FSTL4: variants seen among roughly 807,000 people sequenced by gnomAD.
FSTL4 encodes follistatin-related protein 4.
A neutral mutation model predicts 78.2 loss-of-function variants in FSTL4; 28 were observed. The ratio of observed to expected loss-of-function variants is 0.36; its 90% CI spans 0.27 to 0.49. The LOEUF (loss-of-function observed/expected upper bound fraction) is 0.49, where lower values mean the gene tolerates loss of function less well. FSTL4 is among the 20% of genes least tolerant of loss of function. The pLI, the probability that FSTL4 is intolerant of heterozygous loss-of-function variation, is 0.98. For synonymous variants in FSTL4, 422 were observed against 440.5 expected (o/e 0.96, Z 0.53); for missense variants, 922 against 1,084.9 (o/e 0.85, Z 2.11).
At chr5:133,319,500 C>G (rs1380474630) in intron 4 of FSTL4, among the ~76,000 whole-genome samples, 1 of 152,136 alleles carries the variant, frequency 6.6e-6, no homozygotes, top group East Asian at 1.9e-4. Flanking sequence ...AAGAGCAGGC[C>G]AGGAGCAGGA....
At chr5:133,519,447 G>A (rs1470663199) in intron 3 of FSTL4, among the ~76,000 whole-genome samples, 1 of 152,218 alleles carries the variant, frequency 6.6e-6, no homozygotes, top group African/African-American at 2.4e-5. Context: ...CAGGAAGCAG[G>A]TGCTGGGTTA....
chr5:133,812,192 T>C, the FSTL4 span, among the ~76,000 whole-genome samples: 39,664 of 152,096 alleles, frequency 0.26, 5,457 homozygotes, highest in East Asian at 0.48. Flanking sequence ...CACTGCGTCA[T>C]CCTTGTTCAC....
chr5:133,804,129 C>T, the FSTL4 span, among the ~76,000 whole-genome samples: 1 of 152,212 alleles, frequency 6.6e-6, no homozygotes, highest in African/African-American at 2.4e-5. Context: ...CTCTAAATCC[C>T]TATATTCAAT....
chr5:133,642,108 C>T, the FSTL4 span, among the ~76,000 whole-genome samples: 3 of 152,110 alleles, frequency 2.0e-5, no homozygotes, highest in Non-Finnish European at 4.4e-5. Flanking sequence ...CCTGATTTCA[C>T]CAGTGAAATA....
chr5:133,506,853 T>C (rs1004226577), intron 3 of FSTL4, among the ~76,000 whole-genome samples: 3 of 152,244 alleles, frequency 2.0e-5, no homozygotes, highest in Non-Finnish European at 4.4e-5. Context: ...GCTGGCTGAA[T>C]GAATTAACAA....
chr5:133,458,759 A>G (rs1458584152), intron 3 of FSTL4, among the ~76,000 whole-genome samples: 1 of 152,246 alleles, frequency 6.6e-6, no homozygotes, highest in Non-Finnish European at 1.5e-5. Flanking sequence ...TGGGAGTATT[A>G]TCACCAAACA....
chr5:133,837,812 C>T, the FSTL4 span, among the ~76,000 whole-genome samples: 2,461 of 152,244 alleles, frequency 0.016, 67 homozygotes, highest in African/African-American at 0.055. Context: ...GCTGCATTCA[C>T]GTCAGCAAAT....
intron 3 of FSTL4, among the ~76,000 whole-genome samples, chr5:133,536,200 G>A (rs1171697321): frequency 6.6e-6 from 1 of 152,156 alleles, no homozygotes; most frequent in Admixed American, 6.5e-5. Flanking sequence ...AGAAAATACA[G>A]ATAATAACGA....
intron 2 of FSTL4, among the ~76,000 whole-genome samples, chr5:133,568,146 T>C (rs1047302138): frequency 6.6e-6 from 1 of 152,114 alleles, no homozygotes; most frequent in Non-Finnish European, 1.5e-5. Flanking sequence ...TCTAGAAGAA[T>C]GAAAAGTCCT....
At chr5:133,735,246 C>T in the FSTL4 span, among the ~76,000 whole-genome samples, 5 of 152,302 alleles carry the variant, frequency 3.3e-5, 1 homozygote, top group African/African-American at 9.6e-5. Flanking sequence ...AGGCATATCA[C>T]GAGGTCAGGA....
At position 133,341,625 on chromosome 5, in the gene FSTL4, A is replaced by G. The variant is rs560144883; in HGVS notation, c.410-24973T>C. Among the ~76,000 whole-genome samples the G allele has an allele frequency of 2.2e-4, 34 of 152,166 alleles. 1 individual carries two copies. In the South Asian group the frequency reaches 6.6e-3, roughly 30 times the overall value. On this transcript the variant is annotated intron_variant, in intron 4 of 15. Coordinates refer to ENST00000265342, the MANE Select transcript of FSTL4 (RefSeq NM_015082.2). ...AGCCACCTACCAACACCTCTGTTCTAACTCCAGGGCCTGTCACCTCTCTGT... is the reference window on the plus strand; with the variant it reads ...AGCCACCTACCAACACCTCTGTTCTGACTCCAGGGCCTGTCACCTCTCTGT...
intron 3 of FSTL4, among the ~76,000 whole-genome samples, chr5:133,540,720 C>CAAAAAAAAAAAAAAAAAAAAAAAAAA (rs79162509): frequency 4.4e-4 from 31 of 70,262 alleles, no homozygotes; most frequent in African/African-American, 8.0e-4. Flanking sequence ...TTAACATAGG[C>CAAAAAAAAAAAAAAAAAAAAAAAAAA]AAAAAAAAAA....
intron 4 of FSTL4, among the ~76,000 whole-genome samples, chr5:133,381,052 T>C (rs557123137): frequency 1.3e-5 from 2 of 152,286 alleles, no homozygotes; most frequent in African/African-American, 4.8e-5. Context: ...GAATATGAAT[T>C]ATGGGAACTC....
intron 3 of FSTL4, among the ~76,000 whole-genome samples, chr5:133,443,811 C>T (rs938653033): frequency 4.6e-5 from 7 of 152,192 alleles, no homozygotes; most frequent in Non-Finnish European, 8.8e-5. Context: ...TCACTGTCTG[C>T]GGAAACCCAC....
chr5:133,213,217 G>T (rs936175866), intron 13 of FSTL4, among the ~76,000 whole-genome samples: 5 of 152,126 alleles, frequency 3.3e-5, no homozygotes, highest in Non-Finnish European at 7.3e-5. Context: ...TGGTCAGACT[G>T]GTCTCGAACT....
the FSTL4 span, among the ~76,000 whole-genome samples, chr5:133,697,732 T>C: frequency 6.6e-6 from 1 of 152,196 alleles, no homozygotes; most frequent in Admixed American, 6.5e-5. Context: ...TGAGGGCCCG[T>C]TGCCATGGCC....
intron 4 of FSTL4, among the ~76,000 whole-genome samples, chr5:133,327,892 G>A (rs1754254369): frequency 6.6e-6 from 1 of 152,218 alleles, no homozygotes; most frequent in South Asian, 2.1e-4. Flanking sequence ...GAAATCAAGT[G>A]GTTACAGCCT....
At chr5:133,282,557 G>A (rs958646687) in intron 6 of FSTL4, among the ~76,000 whole-genome samples, 2 of 152,200 alleles carry the variant, frequency 1.3e-5, no homozygotes, top group Admixed American at 6.5e-5. Context: ...CTTCTTGGGG[G>A]TGAGCTGGAG....
intron 6 of FSTL4, among the ~76,000 whole-genome samples, chr5:133,252,832 C>CTTCTT: frequency 6.6e-6 from 1 of 152,236 alleles, no homozygotes; most frequent in South Asian, 2.1e-4. Context: ...AAGTGGGAGA[C>CTTCTT]GGAAGTCTTC....
Sources: gnomAD v4.1 joint callset for allele counts (sites outside exome capture counted in the v4.1 genomes callset) on GRCh38, gnomAD v4.1.1 for gene constraint, MANE v1.5 for transcripts, NCBI Gene and HGNC (gene_info 2026-07-23, HGNC 2026-07-21) for gene names.